Variants in PPM1E observed in about 807,000 individuals in gnomAD.
PPM1E encodes protein phosphatase, Mg2+/Mn2+ dependent 1E, also known as protein phosphatase 1E.
Under a neutral mutation model 65.9 loss-of-function variants are expected in PPM1E, and 20 were observed. That is an observed-to-expected ratio of 0.30 (90% CI 0.21 to 0.44). The LOEUF (loss-of-function observed/expected upper bound fraction) is 0.44. PPM1E is among the 20% of genes least tolerant of loss of function. The pLI is 1.00. For synonymous variants in PPM1E, 352 were observed against 374.9 expected (o/e 0.94, Z 0.70); for missense variants, 713 against 953.1 (o/e 0.75, Z 3.32).
At chr17:58,903,047 A>C (rs2051516200) in intron 1 of PPM1E, among the ~76,000 whole-genome samples, 1 of 152,198 alleles carries the variant, frequency 6.6e-6, no homozygotes, top group African/African-American at 2.4e-5. Context: ...CTCCAACCCA[A>C]GAGTAGCGCA....
At chr17:58,789,810 A>G (rs1054891066) in intron 1 of PPM1E, among the ~76,000 whole-genome samples, 22 of 152,130 alleles carry the variant, frequency 1.4e-4, no homozygotes, top group Admixed American at 7.9e-4. Context: ...ACACACAAGA[A>G]CACTGTTGCC....
intron 1 of PPM1E, among the ~76,000 whole-genome samples, chr17:58,937,112 G>A (rs913338968): frequency 6.6e-4 from 98 of 149,400 alleles, no homozygotes; most frequent in African/African-American, 9.6e-4. Context: ...GTGAAACCTC[G>A]TCTCTAATAA....
At chr17:58,827,627 G>A (rs2143162305) in intron 1 of PPM1E, among the ~76,000 whole-genome samples, 1 of 152,140 alleles carries the variant, frequency 6.6e-6, no homozygotes, top group South Asian at 2.1e-4. Flanking sequence ...CCAGGGCTGG[G>A]CGCGGTGGCT....
chr17:58,769,841 A>G (rs987186216), intron 1 of PPM1E, among the ~76,000 whole-genome samples: 2 of 152,070 alleles, frequency 1.3e-5, no homozygotes, highest in Non-Finnish European at 2.9e-5. Context: ...AGCCTGACCA[A>G]CATGGCAAAA....
intron 1 of PPM1E, among the ~76,000 whole-genome samples, chr17:58,913,216 T>C (rs2051647729): frequency 6.6e-6 from 1 of 152,050 alleles, no homozygotes; most frequent in African/African-American, 2.4e-5. Flanking sequence ...GGGCATTCAG[T>C]TGGTGTCTGC....
At chr17:58,864,218 T>G (rs1309129531) in intron 1 of PPM1E, among the ~76,000 whole-genome samples, 1 of 152,158 alleles carries the variant, frequency 6.6e-6, no homozygotes, top group Non-Finnish European at 1.5e-5. Flanking sequence ...GCATATCTGC[T>G]GCCTGTATAA....
chr17:58,804,098 T>C (rs1439137776), intron 1 of PPM1E, among the ~76,000 whole-genome samples: 1 of 152,040 alleles, frequency 6.6e-6, no homozygotes, highest in Non-Finnish European at 1.5e-5. Context: ...CAGCTAATTT[T>C]TTAATATTTT....
chr17:58,830,367 G>A (rs2050589722), intron 1 of PPM1E, among the ~76,000 whole-genome samples: 2 of 151,552 alleles, frequency 1.3e-5, no homozygotes, highest in South Asian at 2.1e-4. Flanking sequence ...TAGCGCAGTG[G>A]CGCAGTCTCG....
intron 1 of PPM1E, among the ~76,000 whole-genome samples, chr17:58,846,605 C>A (rs1325092945): frequency 6.6e-6 from 1 of 152,108 alleles, no homozygotes; most frequent in Non-Finnish European, 1.5e-5. Flanking sequence ...TGAATGCATC[C>A]TTTTTTATGG....
intron 1 of PPM1E, among the ~76,000 whole-genome samples, chr17:58,826,394 T>G (rs1026374216): frequency 3.3e-5 from 5 of 152,192 alleles, no homozygotes; most frequent in Admixed American, 6.6e-5. Flanking sequence ...GCTGTTGCAT[T>G]TATAAATAGC....
At chr17:58,912,904 C>T (rs542070943) in intron 1 of PPM1E, among the ~76,000 whole-genome samples, 1 of 152,292 alleles carries the variant, frequency 6.6e-6, no homozygotes, top group South Asian at 2.1e-4. Flanking sequence ...GGACTGGGTT[C>T]AAAGAGCTTC....
Position 58,778,927 on chromosome 17 carries a change from CATATATATAT to C in PPM1E, c.464+22491_464+22500del, listed in dbSNP as rs59563297. ...TATAACTAAATTGAGATGATACATA[CATATATATAT>C]ATATATATATATATATATATATATG... On this transcript the variant is annotated intron_variant, in intron 1 of 6. Transcript: ENST00000308249. Among the ~76,000 whole-genome samples, 506 of 103,694 alleles carry C rather than the reference CATATATATAT, an allele frequency of 4.9e-3. 2 individuals are homozygous for C. The highest frequency in any genetic ancestry group is 0.013 in the African/African-American group (381 of 28,502). The allele number at this position is 103,694 out of a possible 152,430, so 68.0% of individuals were successfully genotyped here.
chr17:58,797,591 C>G (rs2050218808), intron 1 of PPM1E, among the ~76,000 whole-genome samples: 1 of 152,066 alleles, frequency 6.6e-6, no homozygotes, highest in Non-Finnish European at 1.5e-5. Flanking sequence ...TGTGAATGTA[C>G]CACAGTTTTT....
rs553977772 is a variant in PPM1E, at chr17:58,774,166, C to G, written c.464+17705C>G. 1.3e-4 allele frequency among the ~76,000 whole-genome samples: 20 copies of G among 151,056 alleles called. No homozygotes were observed. In the South Asian group the frequency reaches 2.9e-3, roughly 22 times the overall value. On this transcript the variant is annotated intron_variant, in intron 1 of 6. Transcript: ENST00000308249. ...GACAAGAGGGAAACTCTGTCCCCCC[C>G]CCCCAAAAAAAACATTATAGGTAAT...
chr17:58,932,234 C>T (rs1450143505), intron 1 of PPM1E, among the ~76,000 whole-genome samples: 2 of 152,032 alleles, frequency 1.3e-5, no homozygotes, highest in Non-Finnish European at 2.9e-5. Flanking sequence ...TTTGAGAGGC[C>T]GAGGTGGATG....
chr17:58,853,428 A>T (rs1166859816), intron 1 of PPM1E, among the ~76,000 whole-genome samples: 3 of 152,194 alleles, frequency 2.0e-5, no homozygotes, highest in East Asian at 3.9e-4. Flanking sequence ...ATATGCAAGG[A>T]TGCATTTCTG....
At chr17:58,898,795 A>C (rs1468400021) in intron 1 of PPM1E, among the ~76,000 whole-genome samples, 2 of 152,178 alleles carry the variant, frequency 1.3e-5, no homozygotes. Context: ...TTAAGAAAAC[A>C]TGGCACATAT....
At chr17:58,829,945 C>T (rs2050582304) in intron 1 of PPM1E, among the ~76,000 whole-genome samples, 1 of 152,048 alleles carries the variant, frequency 6.6e-6, no homozygotes, top group South Asian at 2.1e-4. Flanking sequence ...CCTTGGGAGG[C>T]CAAGGCAGGT....
intron 1 of PPM1E, among the ~76,000 whole-genome samples, chr17:58,766,497 GC>G (rs1598557163): frequency 6.6e-6 from 1 of 151,962 alleles, no homozygotes; most frequent in East Asian, 1.9e-4. Context: ...ACTGCACCCA[GC>G]CTGTAATTTC....
Sources: gnomAD v4.1 joint callset for allele counts (sites outside exome capture counted in the v4.1 genomes callset) on GRCh38, gnomAD v4.1.1 for gene constraint, MANE v1.5 for transcripts, NCBI Gene and HGNC (gene_info 2026-07-23, HGNC 2026-07-21) for gene names.